GPD2: variants seen among roughly 807,000 people sequenced by gnomAD.
GPD2 encodes glycerol-3-phosphate dehydrogenase, mitochondrial.
Under a neutral mutation model 82.4 loss-of-function variants are expected in GPD2, and 54 were observed. The observed-to-expected ratio is 0.66, with a 90% CI of 0.53 to 0.82. The LOEUF (loss-of-function observed/expected upper bound fraction) is 0.82, where lower values mean the gene tolerates loss of function less well. Among genes scored for constraint, GPD2 ranks in the 40% least tolerant of loss-of-function variants. The probability of loss-of-function intolerance (pLI) is 0.00; values close to 1 mark genes in which losing one functional copy is unlikely to be tolerated. For synonymous variants in GPD2, 288 were observed against 306.1 expected, an observed-to-expected ratio of 0.94 and a Z score of 0.62; for missense variants, 748 against 896.2, an observed-to-expected ratio of 0.83 and a Z score of 2.11.
rs144390093 is a variant in GPD2 at position 156,439,932 on chromosome 2, T to G, written c.-9+3419T>G. On this transcript the variant is annotated intron_variant, in intron 1 of 16. Transcript: ENST00000438166. ...AGTTTTGACAATGGGGTATATTTTA[T>G]ATATTTTTTACCTGGAGTATAAGGA... Among the ~76,000 whole-genome samples the G allele has an allele frequency of 8.0e-3, 1,218 of 152,260 alleles. 5 individuals carry two copies. The highest frequency in any genetic ancestry group is 0.012 in the Non-Finnish European group (786 of 68,014).
intron 13 of GPD2, among the ~76,000 whole-genome samples, chr2:156,574,342 A>G (rs1687742239): frequency 6.6e-6 from 1 of 152,218 alleles, no homozygotes; most frequent in Admixed American, 6.5e-5. Context: ...GTGCAATTGC[A>G]ATTAGAACCT....
At chr2:156,516,598 A>C (rs1229781375) in intron 6 of GPD2, among the ~76,000 whole-genome samples, 1 of 152,140 alleles carries the variant, frequency 6.6e-6, no homozygotes, top group African/African-American at 2.4e-5. Context: ...ATGTGCCACT[A>C]TACCTGGCTA....
intron 2 of GPD2, among the ~76,000 whole-genome samples, chr2:156,489,104 T>C (rs1295338998): frequency 1.3e-5 from 2 of 152,090 alleles, no homozygotes; most frequent in South Asian, 2.1e-4. Context: ...TAAGCCAAGG[T>C]TGGTGAACTC....
intron 10 of GPD2, 83 bp from the exon 11 acceptor site, chr2:156,569,280 G>A: frequency 2.2e-6 from 2 of 918,924 alleles, no homozygotes; most frequent in Non-Finnish European, 1.8e-6. Context: ...GGAAAATTTT[G>A]TTATTGGTAA....
At chr2:156,545,514 A>G (rs11885397) in intron 6 of GPD2, among the ~76,000 whole-genome samples, 5 of 152,222 alleles carry the variant, frequency 3.3e-5, no homozygotes, top group African/African-American at 1.2e-4. Flanking sequence ...GCAGTTTTTA[A>G]TTGATGAAAT....
upstream of GPD2, among the ~76,000 whole-genome samples, chr2:156,434,057 G>A (rs1688356573): frequency 6.6e-6 from 1 of 152,074 alleles, no homozygotes; most frequent in African/African-American, 2.4e-5. Context: ...AAAGAACTGA[G>A]GCATACTTAA....
chr2:156,560,992 A>G (rs1392787709), intron 9 of GPD2, among the ~76,000 whole-genome samples: 1 of 139,808 alleles, frequency 7.2e-6, no homozygotes, highest in Non-Finnish European at 1.5e-5. Flanking sequence ...GATTTATTTA[A>G]TAAGTCCCAC....
At chr2:156,472,934 G>T (rs1418777171) in intron 1 of GPD2, among the ~76,000 whole-genome samples, 1 of 152,180 alleles carries the variant, frequency 6.6e-6, no homozygotes, top group East Asian at 1.9e-4. Context: ...CCCCTTTTAT[G>T]AAATTAGATG....
chr2:156,412,807 A>G, the GPD2 span, among the ~76,000 whole-genome samples: 1 of 152,332 alleles, frequency 6.6e-6, no homozygotes, highest in African/African-American at 2.4e-5. Flanking sequence ...TTTTAAAACT[A>G]TGATGCCAGG....
upstream of GPD2, among the ~76,000 whole-genome samples, chr2:156,433,939 C>T (rs1688353853): frequency 6.6e-6 from 1 of 152,106 alleles, no homozygotes; most frequent in Non-Finnish European, 1.5e-5. Flanking sequence ...TGGCACCCAA[C>T]TCAACCAGAT....
chr2:156,560,701 G>A (rs1052265981), intron 9 of GPD2, among the ~76,000 whole-genome samples: 2 of 152,188 alleles, frequency 1.3e-5, no homozygotes, highest in Admixed American at 6.5e-5. Flanking sequence ...GCTGAAGTTT[G>A]TCTATATCTT....
At chr2:156,418,036 GA>G in the GPD2 span, among the ~76,000 whole-genome samples, 1 of 151,846 alleles carries the variant, frequency 6.6e-6, no homozygotes, top group African/African-American at 2.4e-5. Context: ...CCAATATGGT[GA>G]AACCCCATCT....
At chr2:156,520,028 A>G (rs1286533291) in intron 6 of GPD2, among the ~76,000 whole-genome samples, 2 of 152,178 alleles carry the variant, frequency 1.3e-5, no homozygotes, top group Non-Finnish European at 2.9e-5. Context: ...CAGAGGTTTT[A>G]TTGAGTGGTG....
chr2:156,551,025 A>G (rs1050876544), intron 8 of GPD2, among the ~76,000 whole-genome samples: 2 of 152,218 alleles, frequency 1.3e-5, no homozygotes, highest in African/African-American at 2.4e-5. Context: ...GTATTTTTGA[A>G]TTAAACTTTT....
intron 2 of GPD2, among the ~76,000 whole-genome samples, chr2:156,489,662 C>T (rs1684075868): frequency 6.6e-6 from 1 of 152,150 alleles, no homozygotes; most frequent in East Asian, 1.9e-4. Context: ...AGGGTTTCCT[C>T]AGGACATAGA....
chr2:156,512,360 G>A, intron 5 of GPD2, 43 bp downstream of exon 5: 2 of 916,132 alleles, frequency 2.2e-6, no homozygotes, highest in Non-Finnish European at 1.8e-6. Flanking sequence ...CTTCTCTGCG[G>A]TCAATAGAAC....
At chr2:156,423,037 C>T in the GPD2 span, among the ~76,000 whole-genome samples, 1 of 152,108 alleles carries the variant, frequency 6.6e-6, no homozygotes, top group Non-Finnish European at 1.5e-5. Context: ...GTACTTTTAT[C>T]TTGTAATTTA....
chr2:156,478,637 C>T (rs370144466), intron 2 of GPD2, among the ~76,000 whole-genome samples: 1 of 152,010 alleles, frequency 6.6e-6, no homozygotes, highest in African/African-American at 2.4e-5. Flanking sequence ...CAATAAGAGC[C>T]ATTCTAGCGG....
At chr2:156,468,901 C>G (rs1398077161) in intron 1 of GPD2, among the ~76,000 whole-genome samples, 3 of 152,082 alleles carry the variant, frequency 2.0e-5, no homozygotes, top group African/African-American at 7.2e-5. Flanking sequence ...TCACCCTGTT[C>G]TATCAACTTC....
Sources: allele counts gnomAD v4.1 joint callset (sites outside exome capture counted in the v4.1 genomes callset), GRCh38; gene constraint gnomAD v4.1.1; transcripts MANE v1.5; gene names NCBI Gene and HGNC (gene_info 2026-07-23, HGNC 2026-07-21).